Variants in LRRTM4 observed in about 807,000 individuals in gnomAD.
LRRTM4 encodes leucine rich repeat transmembrane neuronal 4, also known as leucine-rich repeat transmembrane neuronal protein 4.
A neutral mutation model predicts 47.6 loss-of-function variants in LRRTM4; 25 were observed. The ratio of observed to expected loss-of-function variants is 0.53; its 90% CI spans 0.38 to 0.73. LRRTM4 has a LOEUF of 0.73. Among genes scored for constraint, LRRTM4 ranks in the 30% least tolerant of loss-of-function variants. The pLI is 0.00. For synonymous variants in LRRTM4, 311 were observed against 269.5 expected (o/e 1.15, Z -1.51); for missense variants, 638 against 713.4 (o/e 0.89, Z 1.20).
intron 3 of LRRTM4, among the ~76,000 whole-genome samples, chr2:77,506,014 T>C (rs562235281): frequency 1.4e-4 from 21 of 151,754 alleles, no homozygotes; most frequent in African/African-American, 4.8e-4. Context: ...ATGACATTTC[T>C]TTTTTAGTAG....
At position 76,833,847 on chromosome 2, in the gene LRRTM4, C is replaced by T. The variant is rs1671427931; in HGVS notation, c.1552-84931G>A. On this transcript the variant is annotated intron_variant, in intron 3 of 3. Transcript: ENST00000409884. ...ATATGCATGTACCTTATATACTGTG[C>T]TATTTAATCACAAATAATGAAGACA... Among the ~76,000 whole-genome samples, 4 of 151,402 alleles carry T rather than the reference C, an allele frequency of 2.6e-5. No homozygotes were observed. The South Asian group carries it at 8.4e-4, about 32-fold the overall frequency.
At chr2:76,812,811 A>C (rs1402367945) in intron 3 of LRRTM4, among the ~76,000 whole-genome samples, 2 of 64,474 alleles carry the variant, frequency 3.1e-5, no homozygotes, top group African/African-American at 1.8e-4. Context: ...CCTCCTCCTT[A>C]TTCTTCCTCT....
At chr2:77,328,829 C>T (rs1194437748) in intron 3 of LRRTM4, among the ~76,000 whole-genome samples, 2 of 152,152 alleles carry the variant, frequency 1.3e-5, no homozygotes, top group African/African-American at 4.8e-5. Context: ...TTCTATGCTT[C>T]AGTGCTGATA....
chr2:77,112,028 T>G (rs1671264668), intron 3 of LRRTM4, among the ~76,000 whole-genome samples: 1 of 152,170 alleles, frequency 6.6e-6, no homozygotes. Context: ...CTGAGAGATT[T>G]TCTACATTGA....
intron 3 of LRRTM4, among the ~76,000 whole-genome samples, chr2:77,479,558 T>C (rs1222034326): frequency 6.6e-6 from 1 of 152,204 alleles, no homozygotes; most frequent in Non-Finnish European, 1.5e-5. Flanking sequence ...GTGTCTTTGA[T>C]TGAGAAAGCA....
intron 3 of LRRTM4, among the ~76,000 whole-genome samples, chr2:76,948,718 G>A (rs1675404145): frequency 6.6e-6 from 1 of 151,774 alleles, no homozygotes; most frequent in East Asian, 1.9e-4. Context: ...AATAGCAACT[G>A]GAGGAAGTAA....
chr2:77,231,264 A>G (rs1467619378), intron 3 of LRRTM4, among the ~76,000 whole-genome samples: 4 of 151,806 alleles, frequency 2.6e-5, no homozygotes, highest in Non-Finnish European at 4.4e-5. Context: ...TGCACACACC[A>G]CAAAGACCAG....
rs1318483593 is a variant in LRRTM4, at chr2:76,807,437, CGTATATACAT to C, written c.1552-58531_1552-58522del. 3.5e-4 allele frequency among the ~76,000 whole-genome samples: 12 copies of C among 34,296 alleles called. 1 individual carries two copies. The highest frequency in any genetic ancestry group is 4.5e-3 in the East Asian group (2 of 442). 22.5% of individuals were successfully genotyped at this position (34,296 alleles called of 152,430 possible). A position where few individuals can be genotyped will look rare whatever the true frequency, so the allele number is the denominator to read the frequency against. On this transcript the variant is annotated intron_variant, in intron 3 of 3. Coordinates refer to ENST00000409884, the MANE Select transcript of LRRTM4 (RefSeq NM_001134745.3). ...ATATATATATATACATATATATATA[CGTATATACAT>C]ATATATATATACATATATATATACA...
intron 3 of LRRTM4, among the ~76,000 whole-genome samples, chr2:76,918,191 CATGAAAAAT>C (rs938460585): frequency 1.1e-4 from 17 of 152,274 alleles, no homozygotes; most frequent in African/African-American, 3.4e-4. Context: ...AATATACTTT[CATGAAAAAT>C]GTCTGCTTTC....
At chr2:76,948,971 T>C (rs952728515) in intron 3 of LRRTM4, among the ~76,000 whole-genome samples, 2 of 151,924 alleles carry the variant, frequency 1.3e-5, no homozygotes, top group African/African-American at 4.8e-5. Flanking sequence ...ATAGTGAGTA[T>C]GTCTTTACAA....
chr2:77,112,881 A>G (rs370912632), intron 3 of LRRTM4, among the ~76,000 whole-genome samples: 4 of 152,148 alleles, frequency 2.6e-5, no homozygotes, highest in African/African-American at 9.7e-5. Context: ...GACGGAACGC[A>G]TGGCCATTTT....
chr2:76,965,880 A>G lies in LRRTM4; in HGVS notation c.1552-216964T>C, dbSNP rs532870710. On this transcript the variant is annotated intron_variant, in intron 3 of 3. Coordinates refer to ENST00000409884, the MANE Select transcript of LRRTM4 (RefSeq NM_001134745.3). ...AATTATCATCCCTATAGGTATATCA[A>G]TAAAGTGAAAACCGAGTATCTAAAT... is the stretch of plus-strand genomic sequence containing the variant. Among the ~76,000 whole-genome samples the G allele has an allele frequency of 2.0e-5, 3 of 151,586 alleles. 1 individual carries two copies. Among genetic ancestry groups the G allele is most frequent in the East Asian group, 3.9e-4 (2 of 5,134 alleles).
chr2:76,786,447 T>G (rs1056934213), intron 3 of LRRTM4, among the ~76,000 whole-genome samples: 24 of 152,118 alleles, frequency 1.6e-4, no homozygotes, highest in African/African-American at 5.5e-4. Flanking sequence ...ATAGCAATTC[T>G]TTCATTGTCA....
chr2:76,904,199 T>C lies in LRRTM4; in HGVS notation c.1552-155283A>G, dbSNP rs372218996. On this transcript the variant is annotated intron_variant, in intron 3 of 3. Coordinates refer to ENST00000409884, the MANE Select transcript of LRRTM4 (RefSeq NM_001134745.3). ...CAGTGCTTGTTCTGCTCTATTACAA[T>C]TGTCCTGGAACAAAGTAGCATGTGA... Among the ~76,000 whole-genome samples, 25 of 152,322 alleles carry C rather than the reference T, an allele frequency of 1.6e-4. No homozygotes were observed. The South Asian group carries it at 4.8e-3, about 29-fold the overall frequency.
At chr2:77,072,867 G>A (rs961759832) in intron 3 of LRRTM4, among the ~76,000 whole-genome samples, 19 of 149,374 alleles carry the variant, frequency 1.3e-4, no homozygotes, top group Admixed American at 3.3e-4. Context: ...GATTTTCTCA[G>A]TTATTCGGCT....
At chr2:77,122,048 TATAA>T (rs1671533774) in intron 3 of LRRTM4, among the ~76,000 whole-genome samples, 1 of 151,868 alleles carries the variant, frequency 6.6e-6, no homozygotes, top group Non-Finnish European at 1.5e-5. Context: ...CATGTTTATA[TATAA>T]ATATTATTCT....
chr2:77,179,434 T>C (rs969067760), intron 3 of LRRTM4, among the ~76,000 whole-genome samples: 1 of 152,160 alleles, frequency 6.6e-6, no homozygotes, highest in Non-Finnish European at 1.5e-5. Context: ...CCCTTGTGTG[T>C]TGCTTGGGCT....
chr2:77,481,573 A>AG (rs891076218), intron 3 of LRRTM4, among the ~76,000 whole-genome samples: 13 of 152,242 alleles, frequency 8.5e-5, no homozygotes, highest in African/African-American at 1.7e-4. Flanking sequence ...CAAAAGCCAG[A>AG]GAAAAAAAAA....
chr2:77,147,865 T>C (rs1672301000), intron 3 of LRRTM4, among the ~76,000 whole-genome samples: 1 of 152,232 alleles, frequency 6.6e-6, no homozygotes, highest in South Asian at 2.1e-4. Context: ...ACCTTACGGA[T>C]ACAATATGTT....
Sources: gnomAD v4.1 joint callset for allele counts (sites outside exome capture counted in the v4.1 genomes callset) on GRCh38, gnomAD v4.1.1 for gene constraint, MANE v1.5 for transcripts, NCBI Gene and HGNC (gene_info 2026-07-23, HGNC 2026-07-21) for gene names.